The following KDM5A variants were observed in gnomAD, a reference collection of about 807,000 sequenced individuals.
KDM5A encodes lysine demethylase 5A, also known as lysine-specific demethylase 5A.
Under a neutral mutation model 193.5 loss-of-function variants are expected in KDM5A, and 42 were observed. The observed-to-expected ratio is 0.22, with a 90% CI of 0.17 to 0.28. The LOEUF (loss-of-function observed/expected upper bound fraction) is 0.28, where lower values mean the gene tolerates loss of function less well. KDM5A is among the 10% of genes least tolerant of loss of function. KDM5A has a pLI of 1.00. For synonymous variants in KDM5A, 796 were observed against 718.1 expected (o/e 1.11, Z -1.73); for missense variants, 1,692 against 2,055.1 (o/e 0.82, Z 3.42).
chr12:298,096 G>T (rs1343694237), intron 24 of KDM5A, among the ~76,000 whole-genome samples: 2 of 152,232 alleles, frequency 1.3e-5, no homozygotes, highest in East Asian at 3.8e-4. Context: ...GCACCTGGGG[G>T]AAGGGGCGGC....
chr12:337,166 G>GGCA (rs1943945066), intron 10 of KDM5A, among the ~76,000 whole-genome samples: 1 of 152,156 alleles, frequency 6.6e-6, no homozygotes, highest in African/African-American at 2.4e-5. Flanking sequence ...CATGTAAGAC[G>GGCA]TGCCTGCTTA....
chr12:315,487 T>C (rs776428576), intron 19 of KDM5A, among the ~76,000 whole-genome samples: 3 of 152,156 alleles, frequency 2.0e-5, no homozygotes, highest in Admixed American at 1.3e-4. Context: ...GGCACGAGAA[T>C]TGCTTGAGCC....
intron 4 of KDM5A, among the ~76,000 whole-genome samples, chr12:364,789 A>AT (rs1944335135): frequency 6.6e-6 from 1 of 151,516 alleles, no homozygotes; most frequent in Non-Finnish European, 1.5e-5. Context: ...CAAAAAAAAA[A>AT]AAAAAAACAA....
At chr12:357,094 ACACAGGGGAGACCCCAT>A (rs1944236555) in intron 5 of KDM5A, among the ~76,000 whole-genome samples, 1 of 152,202 alleles carries the variant, frequency 6.6e-6, no homozygotes, top group Non-Finnish European at 1.5e-5. Context: ...AGCCTGGACA[ACACAGGGGAGACCCCAT>A]CTCTACAAAA....
At chr12:327,783 CAGG>C (rs1244717735) in intron 14 of KDM5A, among the ~76,000 whole-genome samples, 2 of 152,068 alleles carry the variant, frequency 1.3e-5, no homozygotes, top group Non-Finnish European at 2.9e-5. Context: ...GAGGCCAAGG[CAGG>C]AGGACTGCTT....
chr12:307,789 T>C lies in KDM5A; in HGVS notation c.3595A>G (p.Lys1199Glu). 1 of 1,614,208 alleles carries C rather than the reference T, an allele frequency of 6.2e-7. No individual in the cohort carries two copies. Among genetic ancestry groups the C allele is most frequent in the Non-Finnish European group, 8.5e-7 (1 of 1,180,030 alleles). ...TCTTTAGCTTGCCAGCTGGATCCTT[T>C]TTTTTGGGAACTTGATTTAGGAAGA... The part of the protein sequence containing the change: ...VPLPKSSSQK[K>E]GSSWQAKEVK... The change falls in exon 23 of 28, where the codon AAA becomes GAA. Residue 1199 changes from lysine (K) to glutamate (E), a missense_variant. Lys to Glu is a moderately conservative substitution (Grantham distance 56). Transcript: ENST00000399788. The surrounding 1 kb of genome is among the most constrained non-coding windows in gnomAD (Gnocchi z 4.3).
At chr12:383,486 G>C (rs1312945458) in intron 3 of KDM5A, among the ~76,000 whole-genome samples, 2 of 151,546 alleles carry the variant, frequency 1.3e-5, no homozygotes, top group African/African-American at 4.8e-5. Context: ...TAAAGTGCTG[G>C]GATTACAGGC....
Position 292,986 on chromosome 12 carries a change from C to T in KDM5A, c.4639G>A (p.Glu1547Lys), listed in dbSNP as rs1164931930. 3 of 1,609,708 alleles carry T rather than the reference C, an allele frequency of 1.9e-6. No homozygotes were observed. Among genetic ancestry groups the T allele is most frequent in the Non-Finnish European group, 1.7e-6 (2 of 1,179,244 alleles). Residue 1547 changes from glutamate to lysine, a missense_variant, in exon 27 of 28, where the codon GAG becomes AAG. By Grantham distance (56) the Glu-to-Lys change is moderately conservative (BLOSUM62 1). Around this residue, in one of 11 missense-constraint regions of KDM5A, gnomAD observed 965 missense variants for 1,061.0 expected, o/e 0.91. Coordinates refer to ENST00000399788, the MANE Select transcript of KDM5A (RefSeq NM_001042603.3). ...AGTTTCTTGGCCAGTTTATTCAGCT[C>T]CTTTGATTTGTCTGCACCTAATTTT... The part of the protein sequence containing the change: ...KLKLGADKSK[E>K]LNKLAKKLAK...
At chr12:288,190 TG>T (rs1467557277) in intron 27 of KDM5A, among the ~76,000 whole-genome samples, 3 of 152,218 alleles carry the variant, frequency 2.0e-5, no homozygotes, top group Non-Finnish European at 2.9e-5. Flanking sequence ...AACTAAAGTT[TG>T]GGATGTCAAC....
chr12:365,867 A>C, intron 4 of KDM5A, 67 bp downstream of exon 4: 2 of 1,521,072 alleles, frequency 1.3e-6, no homozygotes, highest in Non-Finnish European at 1.8e-6. Flanking sequence ...GGTTAAACAC[A>C]GTCTAAAGTT....
rs181080065 is a variant in KDM5A, at chr12:304,654, C to T, written c.4074+2292G>A. On this transcript the variant is annotated intron_variant, in intron 24 of 27. Transcript: ENST00000399788. ...TTTTCTACCCTGCCAATACCCACTA[C>T]CAAAGAGACAGTAAGCTAAGATTCT... is the stretch of plus-strand genomic sequence containing the variant. Among the ~76,000 whole-genome samples, 454 of 152,122 alleles carry T rather than the reference C, an allele frequency of 3.0e-3. 1 individual carries two copies. Among genetic ancestry groups the T allele is most frequent in the African/African-American group, 0.01 (421 of 41,512 alleles).
At position 290,958 on chromosome 12, in the gene KDM5A, G is replaced by C. The variant is rs576505462; in HGVS notation, c.4866+1801C>G. ...AGTCTTTAAACTACCATAAAATTAA[G>C]GAAGAAAAGGGAGAAGGTTCTGCCA... On this transcript the variant is annotated intron_variant, in intron 27 of 27. Transcript: ENST00000399788. Among the ~76,000 whole-genome samples, 4 of 152,166 alleles carry C rather than the reference G, an allele frequency of 2.6e-5. No individual in the cohort carries two copies. The East Asian group carries it at 5.8e-4, about 22-fold the overall frequency.
chr12:357,211 T>C (rs1359438812), intron 5 of KDM5A, among the ~76,000 whole-genome samples: 2 of 151,296 alleles, frequency 1.3e-5, no homozygotes, highest in Non-Finnish European at 2.9e-5. Flanking sequence ...GTTTGAGAGG[T>C]TGAGGCAGTG....
intron 5 of KDM5A, among the ~76,000 whole-genome samples, chr12:359,035 G>C (rs1256116931): frequency 6.6e-6 from 1 of 150,858 alleles, no homozygotes; most frequent in African/African-American, 2.4e-5. Flanking sequence ...TAGATCTCTA[G>C]AACAAATTAA....
At chr12:386,051 G>T (rs10774152) in intron 1 of KDM5A, 77 bp from the exon 2 acceptor site, 740,033 of 1,091,464 alleles carry the variant, frequency 0.68, 255,414 homozygotes, top group Non-Finnish European at 0.72. Context: ...TTAAAGGGGG[G>T]TTTTGCCACA....
At chr12:328,008 CA>C (rs140864239) in intron 14 of KDM5A, among the ~76,000 whole-genome samples, 2,657 of 152,196 alleles carry the variant, frequency 0.017, 105 homozygotes, top group South Asian at 0.16. Context: ...AGAGAGAACC[CA>C]TCTTTCAAAA....
chr12:344,158 G>C (rs1013641026), intron 10 of KDM5A, among the ~76,000 whole-genome samples: 2 of 152,178 alleles, frequency 1.3e-5, no homozygotes, highest in Non-Finnish European at 2.9e-5. Flanking sequence ...GTGGAAGAAA[G>C]GGTATCAGTG....
chr12:323,129 A>C lies in KDM5A; in HGVS notation c.2228T>G (p.Val743Gly). The C allele has an allele frequency of 6.3e-7, 1 of 1,574,994 alleles. No individual in the cohort carries two copies. The highest frequency in any genetic ancestry group is 8.6e-7 in the Non-Finnish European group (1 of 1,156,892). The change falls in exon 16 of 28, where the codon GTC (valine) becomes GGC (glycine). Residue 743 changes from valine (V) to glycine (G), a missense_variant. Physicochemically the swap from Val to Gly is moderately radical, Grantham distance 109 (BLOSUM62 -3). This residue lies in a region of KDM5A where 965 missense variants were observed against 1,061.0 expected (regional missense o/e 0.91). Coordinates refer to ENST00000399788, the MANE Select transcript of KDM5A (RefSeq NM_001042603.3). ...AGACAATGCTTCTGTAACACGACTG[A>C]CCCAAGTGTCATAGGACTGTGCCCT... ...KVRAQSYDTW[V>G]SRVTEALSAN...
At chr12:336,083 G>GCAT (rs1378565540) in intron 10 of KDM5A, among the ~76,000 whole-genome samples, 1 of 150,722 alleles carries the variant, frequency 6.6e-6, no homozygotes, top group African/African-American at 2.4e-5. Flanking sequence ...GAGAAGCTGG[G>GCAT]CATGGTGGCT....
Sources: gnomAD v4.1 joint callset for allele counts (sites outside exome capture counted in the v4.1 genomes callset) on GRCh38, gnomAD v4.1.1 for gene constraint, gnomAD v4.1.1 regional missense constraint, Gnocchi (gnomAD v3.1) non-coding constraint, MANE v1.5 for transcripts, NCBI Gene and HGNC (gene_info 2026-07-23, HGNC 2026-07-21) for gene names.